Variants in IL1RAPL2 observed in about 807,000 individuals in gnomAD.
IL1RAPL2 encodes the protein interleukin 1 receptor accessory protein like 2.
Under a neutral mutation model 44.1 loss-of-function variants are expected in IL1RAPL2, and 3 were observed. The ratio of observed to expected loss-of-function variants is 0.07; its 90% CI spans 0.03 to 0.18. The LOEUF is 0.18. Ranked by LOEUF, IL1RAPL2 falls within the 10% of genes least tolerant of loss-of-function variation. The pLI, the probability that IL1RAPL2 is intolerant of heterozygous loss-of-function variation, is 1.00. For synonymous variants in IL1RAPL2, 181 were observed against 178.8 expected, an observed-to-expected ratio of 1.01 and a Z score of -0.10; for missense variants, 391 against 496.4, an observed-to-expected ratio of 0.79 and a Z score of 2.02.
At chrX:104,935,345 G>A (rs1925001493) in intron 2 of IL1RAPL2, among the ~76,000 whole-genome samples, 1 of 112,051 alleles carries the variant, frequency 8.9e-6, no homozygotes. Context: ...AATTGCCCAT[G>A]TGTGACTTTT....
intron 6 of IL1RAPL2, among the ~76,000 whole-genome samples, chrX:105,503,279 T>G (rs189966636): frequency 9.0e-6 from 1 of 111,497 alleles, no homozygotes; most frequent in East Asian, 2.8e-4. Flanking sequence ...CAGTCCGTAA[T>G]GAAAGGAGCA....
At chrX:105,642,353 T>A (rs1013311662) in intron 6 of IL1RAPL2, among the ~76,000 whole-genome samples, 10 of 112,347 alleles carry the variant, frequency 8.9e-5, no homozygotes, top group African/African-American at 3.2e-4. Context: ...TTGTAGAATA[T>A]CAGAGAAGCA....
intron 2 of IL1RAPL2, among the ~76,000 whole-genome samples, chrX:104,764,656 G>T (rs1261574510): frequency 8.9e-6 from 1 of 111,884 alleles, no homozygotes; most frequent in East Asian, 2.8e-4. Flanking sequence ...AAGGCTTTCA[G>T]CTTTTTCTCA....
chrX:105,640,654 GTATATATA>G (rs768814568), intron 6 of IL1RAPL2, among the ~76,000 whole-genome samples: 2,227 of 59,449 alleles, frequency 0.037, 73 homozygotes, highest in African/African-American at 0.099. Flanking sequence ...GTATGTGTGT[GTATATATA>G]TATATATATA....
chrX:105,451,255 G>A (rs1194633952), intron 5 of IL1RAPL2, among the ~76,000 whole-genome samples: 1 of 111,238 alleles, frequency 9.0e-6, no homozygotes, highest in East Asian at 2.8e-4. Flanking sequence ...TGCTCTCATT[G>A]TACGAGTGGC....
chrX:105,549,883 C>T (rs2036837970), intron 6 of IL1RAPL2, among the ~76,000 whole-genome samples: 1 of 112,003 alleles, frequency 8.9e-6, no homozygotes, highest in Admixed American at 9.5e-5. Context: ...TTCCGGCCAA[C>T]TTCTTTATTA....
chrX:105,728,980 G>C (rs1406156769), intron 7 of IL1RAPL2, among the ~76,000 whole-genome samples: 1 of 111,018 alleles, frequency 9.0e-6, no homozygotes, highest in African/African-American at 3.3e-5. Context: ...GAATCCTACA[G>C]TATGTAGCCT....
chrX:105,518,453 CAG>C (rs770881466), intron 6 of IL1RAPL2, among the ~76,000 whole-genome samples: 2 of 111,529 alleles, frequency 1.8e-5, no homozygotes, highest in East Asian at 5.7e-4. Context: ...AATGAGTTTG[CAG>C]AGATCCAGTT....
chrX:104,922,870 T>C (rs1305659062), intron 2 of IL1RAPL2, among the ~76,000 whole-genome samples: 1 of 111,335 alleles, frequency 9.0e-6, no homozygotes. Flanking sequence ...TTAAGGAAGC[T>C]CAGTGAAATA....
intron 1 of IL1RAPL2, among the ~76,000 whole-genome samples, chrX:104,646,521 T>G (rs1353266139): frequency 9.0e-6 from 1 of 111,672 alleles, no homozygotes; most frequent in Non-Finnish European, 1.9e-5. Flanking sequence ...AGTTTAAAAT[T>G]TAAACATTTC....
intron 6 of IL1RAPL2, among the ~76,000 whole-genome samples, chrX:105,509,820 T>C (rs1332153111): frequency 9.0e-6 from 1 of 111,111 alleles, no homozygotes; most frequent in Non-Finnish European, 1.9e-5. Context: ...CAACTAAATT[T>C]AGGAAAGGGC....
intron 2 of IL1RAPL2, among the ~76,000 whole-genome samples, chrX:104,882,345 T>C (rs909861468): frequency 1.8e-5 from 2 of 112,378 alleles, no homozygotes; most frequent in African/African-American, 6.5e-5. Context: ...GTACCCATTT[T>C]CAATGATTAA....
intron 2 of IL1RAPL2, among the ~76,000 whole-genome samples, chrX:104,836,137 G>C (rs934031948): frequency 9.0e-6 from 1 of 111,381 alleles, no homozygotes; most frequent in African/African-American, 3.3e-5. Flanking sequence ...AGGTCATTAC[G>C]TTAAGTGAAA....
intron 2 of IL1RAPL2, among the ~76,000 whole-genome samples, chrX:105,180,439 C>T (rs1290353231): frequency 8.9e-6 from 1 of 111,854 alleles, no homozygotes; most frequent in Non-Finnish European, 1.9e-5. Flanking sequence ...TCAACTTTTC[C>T]CCATTCAGTA....
At position 105,186,444 on chromosome X, in the gene IL1RAPL2, G is replaced by T. The variant is rs2033588118; in HGVS notation, c.83-9031G>T. On this transcript the variant is annotated intron_variant, in intron 2 of 10. Coordinates refer to ENST00000372582, the MANE Select transcript of IL1RAPL2 (RefSeq NM_017416.2). ...ATGGTATGAGGATGAAGACAGGAAA[G>T]AGCTGGCTGAGCAAAGGCCCACAGC... Among the ~76,000 whole-genome samples, 5 of 111,792 alleles carry T rather than the reference G, an allele frequency of 4.5e-5. No individual in the cohort carries two copies. The South Asian group carries it at 1.5e-3, about 33-fold the overall frequency.
intron 2 of IL1RAPL2, among the ~76,000 whole-genome samples, chrX:104,846,407 T>A (rs1056996337): frequency 9.1e-6 from 1 of 110,216 alleles, no homozygotes; most frequent in African/African-American, 3.3e-5. Context: ...CCAGGTGTTT[T>A]CATTGTTCAA....
intron 2 of IL1RAPL2, among the ~76,000 whole-genome samples, chrX:105,141,843 G>C (rs925921287): frequency 8.9e-6 from 1 of 112,147 alleles, no homozygotes; most frequent in Non-Finnish European, 1.9e-5. Flanking sequence ...AAAAGCATGT[G>C]TAGCCTGCTT....
At chrX:104,578,199 A>G (rs1276210445) in intron 1 of IL1RAPL2, among the ~76,000 whole-genome samples, 1 of 111,960 alleles carries the variant, frequency 8.9e-6, no homozygotes, top group Non-Finnish European at 1.9e-5. Context: ...TGCTTATCTC[A>G]GGCCTGGGGC....
chrX:105,329,206 T>G (rs892948153), intron 5 of IL1RAPL2, among the ~76,000 whole-genome samples: 3 of 112,120 alleles, frequency 2.7e-5, no homozygotes, highest in Admixed American at 9.5e-5. Flanking sequence ...TGCCCATTTG[T>G]TACATGAAGT....
Sources: allele counts gnomAD v4.1 joint callset (sites outside exome capture counted in the v4.1 genomes callset), GRCh38; gene constraint gnomAD v4.1.1; transcripts MANE v1.5; gene names NCBI Gene and HGNC (gene_info 2026-07-23, HGNC 2026-07-21).